Variants in LRRTM4 observed in about 807,000 individuals in gnomAD.
LRRTM4 encodes the protein leucine-rich repeat transmembrane neuronal protein 4.
A neutral mutation model predicts 47.6 loss-of-function variants in LRRTM4; 25 were observed. The observed-to-expected ratio is 0.53, with a 90% confidence interval of 0.38 to 0.73. The LOEUF is 0.73. Ranked by LOEUF, LRRTM4 falls within the 30% of genes least tolerant of loss-of-function variation. LRRTM4 has a pLI of 0.00. For synonymous variants in LRRTM4, 311 were observed against 269.5 expected (o/e 1.15, Z -1.51); for missense variants, 638 against 713.4 (o/e 0.89, Z 1.20).
At chr2:76,760,352 G>A (rs911474371) in intron 3 of LRRTM4, among the ~76,000 whole-genome samples, 2 of 152,150 alleles carry the variant, frequency 1.3e-5, no homozygotes, top group Non-Finnish European at 2.9e-5. Flanking sequence ...GCAGATTTTT[G>A]TAATGTAATT....
At chr2:76,911,838 G>A (rs1032912166) in intron 3 of LRRTM4, among the ~76,000 whole-genome samples, 13 of 148,722 alleles carry the variant, frequency 8.7e-5, no homozygotes, top group Admixed American at 4.1e-4. Flanking sequence ...CTGTGTGTGT[G>A]TATATTTGTG....
intron 3 of LRRTM4, among the ~76,000 whole-genome samples, chr2:76,940,656 CAA>C (rs139087124): frequency 0.039 from 5,903 of 152,078 alleles, 250 homozygotes; most frequent in East Asian, 0.14. Flanking sequence ...TAAAAACAAA[CAA>C]ATATTTTGTT....
chr2:77,207,372 T>TATATATATATATATATACACACAC (rs59335400), intron 3 of LRRTM4, among the ~76,000 whole-genome samples: 113 of 130,946 alleles, frequency 8.6e-4, no homozygotes, highest in East Asian at 6.6e-3. Flanking sequence ...TATATATATA[T>TATATATATATATATATACACACAC]ACACACACAC....
intron 3 of LRRTM4, among the ~76,000 whole-genome samples, chr2:76,994,682 A>G (rs1677137252): frequency 6.6e-6 from 1 of 152,022 alleles, no homozygotes; most frequent in African/African-American, 2.4e-5. Flanking sequence ...ATCAAAATTA[A>G]CAGAATAAGA....
At chr2:77,106,644 T>C (rs1043317701) in intron 3 of LRRTM4, among the ~76,000 whole-genome samples, 4 of 152,136 alleles carry the variant, frequency 2.6e-5, no homozygotes, top group Non-Finnish European at 5.9e-5. Context: ...AATGGATATG[T>C]TAGAATTACA....
chr2:77,509,994 C>T (rs760193247), intron 3 of LRRTM4, among the ~76,000 whole-genome samples: 1 of 151,972 alleles, frequency 6.6e-6, no homozygotes, highest in Non-Finnish European at 1.5e-5. Flanking sequence ...GATCTATAGA[C>T]AGAGAAGAAA....
chr2:77,054,193 G>A (rs975153334), intron 3 of LRRTM4, among the ~76,000 whole-genome samples: 4 of 152,150 alleles, frequency 2.6e-5, no homozygotes, highest in Non-Finnish European at 4.4e-5. Context: ...TGCCTTGGGA[G>A]AGGGTACCTA....
chr2:77,351,975 T>A (rs1168137310), intron 3 of LRRTM4, among the ~76,000 whole-genome samples: 1 of 152,118 alleles, frequency 6.6e-6, no homozygotes, highest in Non-Finnish European at 1.5e-5. Context: ...ACTTTATTAA[T>A]GAAGTCACCT....
chr2:76,894,655 C>G (rs1192371822), intron 3 of LRRTM4, among the ~76,000 whole-genome samples: 1 of 151,832 alleles, frequency 6.6e-6, no homozygotes, highest in South Asian at 2.1e-4. Context: ...ACAAATAAAG[C>G]CACTATTAGA....
intron 3 of LRRTM4, among the ~76,000 whole-genome samples, chr2:77,405,975 T>C (rs1002587456): frequency 6.6e-6 from 1 of 152,152 alleles, no homozygotes; most frequent in East Asian, 1.9e-4. Context: ...TTTATCTTTG[T>C]CCTATAATGA....
At chr2:77,470,514 A>C (rs1376805030) in intron 3 of LRRTM4, among the ~76,000 whole-genome samples, 1 of 152,208 alleles carries the variant, frequency 6.6e-6, no homozygotes, top group Non-Finnish European at 1.5e-5. Flanking sequence ...AGACACACTG[A>C]GCAGAAAGGT....
chr2:77,097,768 T>G (rs1046186634), intron 3 of LRRTM4, among the ~76,000 whole-genome samples: 1 of 151,860 alleles, frequency 6.6e-6, no homozygotes, highest in Non-Finnish European at 1.5e-5. Context: ...AGCATTTGAA[T>G]TAAAGAATTA....
At chr2:76,901,468 G>C (rs187859652) in intron 3 of LRRTM4, among the ~76,000 whole-genome samples, 1 of 151,432 alleles carries the variant, frequency 6.6e-6, no homozygotes, top group Non-Finnish European at 1.5e-5. Flanking sequence ...TGGGACCACT[G>C]TGACTTAGAC....
At chr2:77,043,953 G>T (rs796256497) in intron 3 of LRRTM4, among the ~76,000 whole-genome samples, 37 of 151,512 alleles carry the variant, frequency 2.4e-4, no homozygotes, top group African/African-American at 8.9e-4. Context: ...TACATCCCAA[G>T]TAATGAAATG....
At chr2:77,148,449 A>T (rs1672331645) in intron 3 of LRRTM4, among the ~76,000 whole-genome samples, 1 of 152,100 alleles carries the variant, frequency 6.6e-6, no homozygotes, top group Non-Finnish European at 1.5e-5. Flanking sequence ...CAATAACTAG[A>T]TATACAACTA....
At chr2:76,864,862 G>A (rs1272425772) in intron 3 of LRRTM4, among the ~76,000 whole-genome samples, 4 of 150,528 alleles carry the variant, frequency 2.7e-5, no homozygotes, top group African/African-American at 9.8e-5. Context: ...GAGTAGCTGG[G>A]ACTACAGGTG....
In LRRTM4 at chr2:77,253,502, C is replaced by T. The variant is rs1481547990; in HGVS notation, c.1551+264816G>A. On this transcript the variant is annotated intron_variant, in intron 3 of 3. Transcript: ENST00000409884. ...TATATTTAAATGATATCTAGAGTCT[C>T]CTACCCAGTCCTGCAGTTATTCATA... Among the ~76,000 whole-genome samples the T allele has an allele frequency of 2.6e-5, 4 of 152,086 alleles. No homozygotes were observed. In the East Asian group the frequency reaches 5.8e-4, roughly 22 times the overall value.
chr2:77,278,286 AT>A (rs1676416108), intron 3 of LRRTM4, among the ~76,000 whole-genome samples: 6 of 151,988 alleles, frequency 3.9e-5, no homozygotes, highest in Admixed American at 3.9e-4. Context: ...AATTTTCTAA[AT>A]GTGAAACATT....
At chr2:77,023,977 A>AC (rs1678362927) in intron 3 of LRRTM4, among the ~76,000 whole-genome samples, 1 of 152,174 alleles carries the variant, frequency 6.6e-6, no homozygotes, top group African/African-American at 2.4e-5. Flanking sequence ...GATTAATTGG[A>AC]CTTACAGTTC....
Sources: allele counts gnomAD v4.1 joint callset (sites outside exome capture counted in the v4.1 genomes callset), GRCh38; gene constraint gnomAD v4.1.1; transcripts MANE v1.5; gene names NCBI Gene and HGNC (gene_info 2026-07-23, HGNC 2026-07-21).